Variants in MAGEB10 observed in about 807,000 individuals in gnomAD.
The protein encoded by MAGEB10 is melanoma-associated antigen B10.
For synonymous variants in MAGEB10, 99 were observed against 101.0 expected (o/e 0.98, Z 0.12); for missense variants, 190 against 261.9 (o/e 0.73, Z 1.89).
Position 27,821,512 on chromosome X carries a change from C to T in MAGEB10, c.206C>T (p.Ser69Phe), listed in dbSNP as rs766433870. Reference protein sequence around the residue: ...NNPHGLREAQSTSTSATAASH... With the variant: ...NNPHGLREAQFTSTSATAASH... ...CCCCATGGACTTCGGGAAGCCCAATCCACCAGCACATCTGCTACAGCTGCT... is the reference window on the plus strand; with the variant it reads ...CCCCATGGACTTCGGGAAGCCCAATTCACCAGCACATCTGCTACAGCTGCT... Residue 69 changes from serine (S) to phenylalanine (F), a missense_variant, in exon 3 of 3, where the codon TCC becomes TTC. Physicochemically the swap from Ser to Phe is radical, Grantham distance 155. Transcript: ENST00000356790. The T allele has an allele frequency of 1.2e-5, 15 of 1,211,200 alleles. No homozygotes were observed. The South Asian group carries it at 2.6e-4, about 21-fold the overall frequency.
chrX:27,813,097 T>A lies in MAGEB10; in HGVS notation c.-198-4457T>A, dbSNP rs945134579. Among the ~76,000 whole-genome samples, 4 of 112,440 alleles carry A rather than the reference T, an allele frequency of 3.6e-5. No homozygotes were observed. In the East Asian group the frequency reaches 1.1e-3, roughly 31 times the overall value. Reference sequence around the variant, plus strand: ...AAAGTAGCTTAAGAATCCAAGATTATAAGTGATAGTAAGTCATACATTTAT... The same window carrying A: ...AAAGTAGCTTAAGAATCCAAGATTAAAAGTGATAGTAAGTCATACATTTAT... On this transcript the variant is annotated intron_variant, in intron 1 of 2. Coordinates refer to ENST00000356790, the MANE Select transcript of MAGEB10 (RefSeq NM_182506.3).
chrX:27,822,565 T>C lies in MAGEB10; in HGVS notation c.*215T>C. ...GAATGACATTGCTCAAATTTTTCTG[T>C]ATGTGAGATTAAGAGTAAGCGATTT... On this transcript the variant is annotated 3_prime_UTR_variant, in exon 3 of 3. Transcript: ENST00000356790. The C allele has an allele frequency of 5.0e-6, 2 of 402,339 alleles. No individual in the cohort carries two copies. Among genetic ancestry groups the C allele is most frequent in the South Asian group, 1.3e-4 (2 of 15,910 alleles). 33.2% of individuals were successfully genotyped at this position (402,339 alleles called of 1,213,427 possible).
At chrX:27,810,172 G>C (rs1297957843) in intron 1 of MAGEB10, among the ~76,000 whole-genome samples, 1 of 111,515 alleles carries the variant, frequency 9.0e-6, no homozygotes, top group Non-Finnish European at 1.9e-5. Context: ...TGGAAGCTTT[G>C]TTCTTTCACT....
chrX:27,820,881 C>T (rs1188144654), intron 2 of MAGEB10, among the ~76,000 whole-genome samples: 1 of 111,045 alleles, frequency 9.0e-6, no homozygotes, highest in Non-Finnish European at 1.9e-5. Flanking sequence ...ACCAGGGTAG[C>T]AGGGAAATGA....
chrX:27,810,552 G>A (rs1923658739), intron 1 of MAGEB10, among the ~76,000 whole-genome samples: 1 of 111,514 alleles, frequency 9.0e-6, no homozygotes, highest in African/African-American at 3.3e-5. Context: ...GAGGTCCCTA[G>A]CGTGGCTGTA....
intron 1 of MAGEB10, among the ~76,000 whole-genome samples, chrX:27,809,188 C>T (rs952115318): frequency 6.3e-5 from 7 of 111,249 alleles, no homozygotes; most frequent in Non-Finnish European, 1.1e-4. Context: ...TGCGGGACAG[C>T]GCAAGTTCCC....
intron 1 of MAGEB10, chrX:27,812,869 C>T: frequency 3.7e-6 from 1 of 272,749 alleles, no homozygotes; most frequent in Non-Finnish European, 7.3e-6. Context: ...CGTACTGCCA[C>T]CATGGCCAGT....
chrX:27,809,383 C>T (rs1270266323), intron 1 of MAGEB10, among the ~76,000 whole-genome samples: 4 of 57,012 alleles, frequency 7.0e-5, no homozygotes, highest in African/African-American at 2.8e-4. Context: ...CTCCCACCCC[C>T]CCAACCCCGC....
chrX:27,822,540 G>T lies in MAGEB10; in HGVS notation c.*190G>T. 2.4e-6 allele frequency: 1 copy of T among 422,634 alleles called. No homozygotes were observed. Among genetic ancestry groups the T allele is most frequent in the Non-Finnish European group, 4.0e-6 (1 of 247,379 alleles). The allele number at this position is 422,634 out of a possible 1,213,427, so 34.8% of individuals were successfully genotyped here. ...AAGTAGCTTCACTATCTAAGTTTATGAATGACATTGCTCAAATTTTTCTGT... is the reference window on the plus strand; with the variant it reads ...AAGTAGCTTCACTATCTAAGTTTATTAATGACATTGCTCAAATTTTTCTGT... On this transcript the variant is annotated 3_prime_UTR_variant, in exon 3 of 3. Coordinates refer to ENST00000356790, the MANE Select transcript of MAGEB10 (RefSeq NM_182506.3).
At chrX:27,817,378 A>C (rs1279594046) in intron 1 of MAGEB10, among the ~76,000 whole-genome samples, 176 bp from the exon 2 acceptor site, 4 of 110,350 alleles carry the variant, frequency 3.6e-5, no homozygotes, top group Admixed American at 9.8e-5. Context: ...GTCCCTCCAA[A>C]ATTCAATACC....
At chrX:27,814,313 C>G (rs1232034652) in intron 1 of MAGEB10, among the ~76,000 whole-genome samples, 3 of 110,259 alleles carry the variant, frequency 2.7e-5, no homozygotes, top group Non-Finnish European at 5.7e-5. Context: ...ATTTTTGATG[C>G]GAGTGAAAGA....
At position 27,821,487 on chromosome X, in the gene MAGEB10, C is replaced by T; in HGVS notation, c.181C>T (p.Pro61Ser). ...TTCACTTGATGGGGCATCCAACAAT[C>T]CCCATGGACTTCGGGAAGCCCAATC... ...QSSLDGASNN[P>S]HGLREAQSTS... The change falls in exon 3 of 3, where the codon CCC (proline) becomes TCC (serine). Residue 61 changes from proline (P) to serine (S), a missense_variant. Pro to Ser is a moderately conservative substitution (Grantham distance 74, BLOSUM62 -1). Coordinates refer to ENST00000356790, the MANE Select transcript of MAGEB10 (RefSeq NM_182506.3). 3 of 1,211,420 alleles carry T rather than the reference C, an allele frequency of 2.5e-6. No individual in the cohort carries two copies. Among genetic ancestry groups the T allele is most frequent in the Non-Finnish European group, 3.4e-6 (3 of 895,376 alleles).
intron 2 of MAGEB10, among the ~76,000 whole-genome samples, chrX:27,819,461 TC>T (rs1199721407): frequency 1.8e-5 from 2 of 111,380 alleles, no homozygotes; most frequent in African/African-American, 6.5e-5. Context: ...TCCAGAGATT[TC>T]CAGGTCCTGT....
intron 1 of MAGEB10, among the ~76,000 whole-genome samples, chrX:27,810,096 A>G (rs1440842847): frequency 9.0e-6 from 1 of 111,622 alleles, no homozygotes; most frequent in African/African-American, 3.3e-5. Flanking sequence ...GTGGGGCCAG[A>G]TAACAGAATA....
intron 1 of MAGEB10, among the ~76,000 whole-genome samples, chrX:27,810,022 A>G (rs918274818): frequency 9.0e-6 from 1 of 110,796 alleles, no homozygotes; most frequent in Admixed American, 9.6e-5. Flanking sequence ...AAATGCACCA[A>G]TCAGCACCCT....
At chrX:27,810,729 G>A (rs1409046973) in intron 1 of MAGEB10, among the ~76,000 whole-genome samples, 2 of 111,170 alleles carry the variant, frequency 1.8e-5, no homozygotes, top group South Asian at 7.6e-4. Flanking sequence ...CAGAACAAAG[G>A]GGACCCAACA....
chrX:27,821,661 G>T lies in MAGEB10; in HGVS notation c.355G>T (p.Val119Leu). Reference protein sequence around the residue: ...GPVDEKVIILVHYLLYKYQMK... With the variant: ...GPVDEKVIILLHYLLYKYQMK... Reference sequence around the variant, plus strand: ...TGTAGATGAGAAAGTAATTATATTGGTGCATTACTTGCTGTACAAGTACCA... The same window carrying T: ...TGTAGATGAGAAAGTAATTATATTGTTGCATTACTTGCTGTACAAGTACCA... Residue 119 changes from valine (V) to leucine (L), a missense_variant, in exon 3 of 3, where the codon GTG becomes TTG. Coordinates refer to ENST00000356790, the MANE Select transcript of MAGEB10 (RefSeq NM_182506.3). 8.3e-7 allele frequency: 1 copy of T among 1,211,117 alleles called. No individual in the cohort carries two copies. Among genetic ancestry groups the T allele is most frequent in the East Asian group, 3.0e-5 (1 of 33,818 alleles).
chrX:27,816,505 A>G (rs1482695670), intron 1 of MAGEB10, among the ~76,000 whole-genome samples: 1 of 111,916 alleles, frequency 8.9e-6, no homozygotes, highest in Non-Finnish European at 1.9e-5. Context: ...GCTCAGGTGT[A>G]CATGTTCATC....
rs924079251 is a variant in MAGEB10 at position 27,822,756 on chromosome X, C to T, written c.*406C>T. On this transcript the variant is annotated 3_prime_UTR_variant, in exon 3 of 3. Coordinates refer to ENST00000356790, the MANE Select transcript of MAGEB10 (RefSeq NM_182506.3). ...GAGGGTCGGGTGCGGTGGCTCACAC[C>T]TGTAATCCTAGCACTTTGGGAGGCC... 1.4e-5 allele frequency: 2 copies of T among 139,849 alleles called. No individual in the cohort carries two copies. The highest frequency in any genetic ancestry group is 6.5e-5 in the African/African-American group (2 of 30,951). The allele number at this position is 139,849 out of a possible 1,213,427, so 11.5% of individuals were successfully genotyped here.
Sources: gnomAD v4.1 joint callset for allele counts (sites outside exome capture counted in the v4.1 genomes callset) on GRCh38, gnomAD v4.1.1 for gene constraint, MANE v1.5 for transcripts, NCBI Gene and HGNC (gene_info 2026-07-23, HGNC 2026-07-21) for gene names.